Variants in NFATC1 observed in about 807,000 individuals in gnomAD.
The protein encoded by NFATC1 is nuclear factor of activated T cells 1, also known as nuclear factor of activated T-cells, cytoplasmic 1.
Under a neutral mutation model 76.0 loss-of-function variants are expected in NFATC1, and 22 were observed. The observed-to-expected ratio is 0.29, with a 90% CI of 0.21 to 0.41. The LOEUF (loss-of-function observed/expected upper bound fraction) is 0.41, where lower values mean the gene tolerates loss of function less well. NFATC1 is among the 10% of genes least tolerant of loss of function. NFATC1 has a pLI of 1.00. For missense variants in NFATC1, 1,357 were observed against 1,337.7 expected (o/e 1.01, Z -0.23); for synonymous variants, 704 against 613.1 (o/e 1.15, Z -2.19).
chr18:79,409,515 G>GTCCA (rs1258231778), intron 1 of NFATC1, among the ~76,000 whole-genome samples: 2 of 149,070 alleles, frequency 1.3e-5, no homozygotes, highest in African/African-American at 5.0e-5. Flanking sequence ...CCGTTTAGCT[G>GTCCA]TCCATCCATC....
chr18:79,478,636 C>G (rs566543998), intron 8 of NFATC1, among the ~76,000 whole-genome samples: 3 of 152,310 alleles, frequency 2.0e-5, no homozygotes, highest in African/African-American at 7.2e-5. Context: ...TGACGATGGC[C>G]GTGGCGGGGG....
At chr18:79,415,893 C>T (rs1035165420) in intron 2 of NFATC1, among the ~76,000 whole-genome samples, 2 of 152,156 alleles carry the variant, frequency 1.3e-5, no homozygotes, top group Non-Finnish European at 2.9e-5. Context: ...GAAACCCCAT[C>T]TCTATTAAAA....
chr18:79,408,299 T>G (rs2148172995), intron 1 of NFATC1, among the ~76,000 whole-genome samples: 1 of 152,290 alleles, frequency 6.6e-6, no homozygotes, highest in East Asian at 1.9e-4. Flanking sequence ...GAATATAGAA[T>G]TTCCATGTGC....
intron 8 of NFATC1, among the ~76,000 whole-genome samples, chr18:79,480,420 G>C (rs1199717130): frequency 6.6e-6 from 1 of 152,036 alleles, no homozygotes; most frequent in African/African-American, 2.4e-5. Flanking sequence ...ATGCATCAGT[G>C]CTGGGCCTGC....
rs1183533737 is a variant in NFATC1 at position 79,464,710 on chromosome 18, A to ATTTT, written c.1960-2730_1960-2727dup. On this transcript the variant is annotated intron_variant, in intron 7 of 9. Coordinates refer to ENST00000427363, the MANE Select transcript of NFATC1 (RefSeq NM_001278669.2). ...TATATATATATTTATTTATTTATTTATTTTTTTTTTTTTGAGACAGGGTCT... is the reference window on the plus strand; with the variant it reads ...TATATATATATTTATTTATTTATTTATTTTTTTTTTTTTTTTTGAGACAGGGTCT... 4.3e-5 allele frequency among the ~76,000 whole-genome samples: 4 copies of ATTTT among 92,034 alleles called. 1 individual carries two copies. The highest frequency in any genetic ancestry group is 1.1e-4 in the Admixed American group (1 of 8,862). The allele number at this position is 92,034 out of a possible 152,430, so 60.4% of individuals were successfully genotyped here.
At position 79,451,708 on chromosome 18, in the gene NFATC1, G is replaced by A; in HGVS notation, c.1795G>A (p.Glu599Lys). 6.2e-7 allele frequency: 1 copy of A among 1,612,420 alleles called. No homozygotes were observed. Among genetic ancestry groups the A allele is most frequent in the South Asian group, 1.1e-5 (1 of 90,592 alleles). The change falls in exon 6 of 10, where the codon GAG becomes AAG. Residue 599 changes from glutamate to lysine, a missense_variant. By Grantham distance (56) the Glu-to-Lys change is moderately conservative. Transcript: ENST00000427363. ...QRSAQELPLV[E>K]KQSTDSYPVV... ...CTCAGCTCAGGAGCTGCCTCTGGTG[G>A]AGAAGCAGAGCACGGACAGCTATCC...
intron 1 of NFATC1, among the ~76,000 whole-genome samples, chr18:79,402,153 G>T (rs1299594043): frequency 6.6e-6 from 1 of 152,258 alleles, no homozygotes; most frequent in Non-Finnish European, 1.5e-5. Context: ...GCCTCGGGAA[G>T]GACACCGCCG....
intron 8 of NFATC1, among the ~76,000 whole-genome samples, chr18:79,483,394 CCGGCATGACCTGGTTCGTGGGGTGTCAT>C (rs1426070739): frequency 1.0e-4 from 13 of 127,134 alleles, no homozygotes; most frequent in African/African-American, 3.7e-4. Context: ...GGGTGTCATT[CCGGCATGACCTGGTTCGTGGGGTGTCAT>C]TCCGGCGTGA....
At chr18:79,520,860 T>G (rs1297646529) in intron 9 of NFATC1, among the ~76,000 whole-genome samples, 143 of 11,342 alleles carry the variant, frequency 0.013, no homozygotes, top group African/African-American at 0.014. Flanking sequence ...TGTGTATGTG[T>G]GGGGGGGGCA....
intron 9 of NFATC1, among the ~76,000 whole-genome samples, chr18:79,487,620 G>A (rs1052032820): frequency 2.0e-5 from 3 of 152,230 alleles, no homozygotes; most frequent in African/African-American, 7.2e-5. Flanking sequence ...GGTGGTGTGG[G>A]GCGTCTGAGC....
Position 79,513,861 on chromosome 18 carries a change from C to T in NFATC1, c.2783-13667C>T, listed in dbSNP as rs187353727. Among the ~76,000 whole-genome samples the T allele has an allele frequency of 1.9e-4, 29 of 152,308 alleles. No individual in the cohort carries two copies. The East Asian group carries it at 4.1e-3, about 21-fold the overall frequency. On this transcript the variant is annotated intron_variant, in intron 9 of 9. Coordinates refer to ENST00000427363, the MANE Select transcript of NFATC1 (RefSeq NM_001278669.2). Reference sequence around the variant, plus strand: ...GTACACTGGCTGTGCCATGTGCATGCCCACGTCCAGGACGGGCCACTGTGG... The same window carrying T: ...GTACACTGGCTGTGCCATGTGCATGTCCACGTCCAGGACGGGCCACTGTGG...
intron 3 of NFATC1, among the ~76,000 whole-genome samples, chr18:79,444,892 C>T (rs935121734): frequency 1.2e-4 from 18 of 152,350 alleles, no homozygotes; most frequent in African/African-American, 3.8e-4. Context: ...GTGGACGCTG[C>T]GTGGCTGTCT....
At chr18:79,426,644 G>A (rs1412506405) in intron 2 of NFATC1, among the ~76,000 whole-genome samples, 6 of 152,264 alleles carry the variant, frequency 3.9e-5, no homozygotes, top group Non-Finnish European at 5.9e-5. Flanking sequence ...GTCCTGGGGA[G>A]TGTTGCCGGG....
chr18:79,486,480 C>T lies in NFATC1; in HGVS notation c.2325C>T (p.Ala775=). The T allele has an allele frequency of 6.2e-7, 1 of 1,608,510 alleles. No individual in the cohort carries two copies. Among genetic ancestry groups the T allele is most frequent in the Non-Finnish European group, 8.5e-7 (1 of 1,179,722 alleles). ...SPKLHDLSPA[A]YTKGVASPGH... ...AGCTCCACGACCTTTCTCCCGCTGC[C>T]TACACCAAGGGCGTTGCCAGCCCGG... Residue 775 remains alanine, a synonymous_variant, in exon 9 of 10, where the codon GCC becomes GCT. Coordinates refer to ENST00000427363, the MANE Select transcript of NFATC1 (RefSeq NM_001278669.2).
chr18:79,440,374 G>A (rs1293553480), intron 3 of NFATC1, among the ~76,000 whole-genome samples: 1 of 152,216 alleles, frequency 6.6e-6, no homozygotes, highest in Non-Finnish European at 1.5e-5. Context: ...CCCACATTTG[G>A]TGCAGGTGGG....
intron 8 of NFATC1, chr18:79,470,210 G>C (rs2088721154): frequency 6.1e-6 from 1 of 163,620 alleles, no homozygotes; most frequent in African/African-American, 2.4e-5. Context: ...GCCGACCCTG[G>C]AGGTGGAGGC....
intron 8 of NFATC1, among the ~76,000 whole-genome samples, chr18:79,475,928 C>G (rs1033464897): frequency 9.2e-5 from 14 of 152,216 alleles, no homozygotes; most frequent in African/African-American, 3.4e-4. Flanking sequence ...AATTAGGGAA[C>G]CAGCGTCAGG....
At chr18:79,518,264 G>T (rs776519606) in intron 9 of NFATC1, among the ~76,000 whole-genome samples, 2 of 152,234 alleles carry the variant, frequency 1.3e-5, no homozygotes, top group African/African-American at 4.8e-5. Context: ...CATGGCAGCC[G>T]CTGCGTCCAA....
intron 2 of NFATC1, among the ~76,000 whole-genome samples, chr18:79,415,543 A>G (rs1194649352): frequency 1.3e-5 from 2 of 151,840 alleles, no homozygotes; most frequent in African/African-American, 4.8e-5. Flanking sequence ...CGGCCTCCCA[A>G]AGTGCTGGGA....
Sources: allele counts gnomAD v4.1 joint callset (sites outside exome capture counted in the v4.1 genomes callset), GRCh38; gene constraint gnomAD v4.1.1; transcripts MANE v1.5; gene names NCBI Gene and HGNC (gene_info 2026-07-23, HGNC 2026-07-21).